Variants in ROR1 observed in about 807,000 individuals in gnomAD.
ROR1 encodes the protein ROR family WNT receptor 1, also known as inactive tyrosine-protein kinase transmembrane receptor ROR1.
In ROR1, 19 loss-of-function variants were observed where a neutral mutation model predicts 78.8. That is an observed-to-expected ratio of 0.24 (90% CI 0.17 to 0.35). ROR1 has a LOEUF of 0.35. Among genes scored for constraint, ROR1 ranks in the 10% least tolerant of loss-of-function variants. The probability of loss-of-function intolerance (pLI) is 1.00; values close to 1 mark genes in which losing one functional copy is unlikely to be tolerated. For synonymous variants in ROR1, 386 were observed against 433.6 expected (o/e 0.89, Z 1.36); for missense variants, 917 against 1,177.8 (o/e 0.78, Z 3.24).
intron 1 of ROR1, among the ~76,000 whole-genome samples, chr1:63,926,395 C>T (rs945476581): frequency 6.6e-6 from 1 of 152,128 alleles, no homozygotes; most frequent in African/African-American, 2.4e-5. Flanking sequence ...GGTACCAGTA[C>T]CATGCTGTTA....
chr1:64,157,388 C>T (rs1649804794), intron 7 of ROR1, among the ~76,000 whole-genome samples: 1 of 152,118 alleles, frequency 6.6e-6, no homozygotes, highest in East Asian at 1.9e-4. Flanking sequence ...ACCTGCCTGC[C>T]TCAGCCTCCC....
chr1:64,017,498 A>C (rs879413473), intron 2 of ROR1, among the ~76,000 whole-genome samples: 2 of 152,178 alleles, frequency 1.3e-5, no homozygotes, highest in Non-Finnish European at 2.9e-5. Flanking sequence ...TTTATGGTCC[A>C]TCTTGATTCT....
intron 2 of ROR1, among the ~76,000 whole-genome samples, chr1:64,037,692 C>T (rs951311015): frequency 6.6e-6 from 1 of 152,160 alleles, no homozygotes; most frequent in African/African-American, 2.4e-5. Flanking sequence ...GTTAAACACG[C>T]TACCATGTGC....
At chr1:63,833,561 T>A (rs1355430667) in intron 1 of ROR1, among the ~76,000 whole-genome samples, 1 of 152,130 alleles carries the variant, frequency 6.6e-6, no homozygotes, top group Non-Finnish European at 1.5e-5. Flanking sequence ...GAATAGTCCC[T>A]GGGGGTGATG....
At chr1:63,825,933 A>G (rs1644950485) in intron 1 of ROR1, among the ~76,000 whole-genome samples, 1 of 152,134 alleles carries the variant, frequency 6.6e-6, no homozygotes, top group Non-Finnish European at 1.5e-5. Flanking sequence ...AGCTGGGTGG[A>G]CCTCAGTTCC....
At chr1:63,993,976 A>G (rs1008001593) in intron 1 of ROR1, among the ~76,000 whole-genome samples, 1 of 152,204 alleles carries the variant, frequency 6.6e-6, no homozygotes, top group African/African-American at 2.4e-5. Context: ...TGCTTTTGAT[A>G]TAAGGGTTCC....
At chr1:63,819,104 G>T (rs572773473) in intron 1 of ROR1, among the ~76,000 whole-genome samples, 41 of 152,290 alleles carry the variant, frequency 2.7e-4, no homozygotes, top group South Asian at 2.5e-3. Flanking sequence ...TTTCCAGGGG[G>T]TGGGGAGATG....
chr1:63,928,734 T>G (rs1352256442), intron 1 of ROR1, among the ~76,000 whole-genome samples: 1 of 152,166 alleles, frequency 6.6e-6, no homozygotes, highest in African/African-American at 2.4e-5. Context: ...AATAAGGATG[T>G]TAATGGCATC....
chr1:63,870,742 G>A (rs1333034370), intron 1 of ROR1, among the ~76,000 whole-genome samples: 2 of 152,168 alleles, frequency 1.3e-5, no homozygotes, highest in Non-Finnish European at 2.9e-5. Flanking sequence ...ACTGAGGATG[G>A]AAATGTTGAG....
chr1:64,136,696 G>A (rs968938093), intron 4 of ROR1, among the ~76,000 whole-genome samples: 3 of 151,996 alleles, frequency 2.0e-5, no homozygotes, highest in East Asian at 3.9e-4. Context: ...TTTTGAGGCC[G>A]CAAAATTTTA....
At chr1:63,882,709 T>A (rs1046952183) in intron 1 of ROR1, among the ~76,000 whole-genome samples, 11 of 152,178 alleles carry the variant, frequency 7.2e-5, no homozygotes, top group African/African-American at 2.7e-4. Context: ...ATGTGACATG[T>A]CCACACTGAG....
intron 1 of ROR1, among the ~76,000 whole-genome samples, chr1:63,977,432 A>G (rs1292819366): frequency 6.6e-6 from 1 of 151,798 alleles, no homozygotes; most frequent in Non-Finnish European, 1.5e-5. Context: ...AGCATTTTGG[A>G]TTTTGGATTT....
intron 1 of ROR1, among the ~76,000 whole-genome samples, chr1:63,862,641 A>G (rs1645189314): frequency 6.6e-6 from 1 of 152,032 alleles, no homozygotes; most frequent in Non-Finnish European, 1.5e-5. Flanking sequence ...TTCACCTTCA[A>G]GCCACATACT....
chr1:63,927,852 G>A (rs921077392), intron 1 of ROR1, among the ~76,000 whole-genome samples: 1 of 152,116 alleles, frequency 6.6e-6, no homozygotes, highest in Non-Finnish European at 1.5e-5. Flanking sequence ...TGGATTTTTA[G>A]GAGTTAAAAT....
chr1:63,934,737 T>C (rs895330164), intron 1 of ROR1, among the ~76,000 whole-genome samples: 6 of 152,266 alleles, frequency 3.9e-5, no homozygotes, highest in African/African-American at 1.2e-4. Context: ...TTTTGAGATA[T>C]CAGGGTCTTG....
Position 63,774,380 on chromosome 1 carries a change from T to C in ROR1, c.-38T>C. ...GCCCGTGGATGTTCTGCGCGCGGCC[T>C]GGGAGCCGCCGCCGCCGCCGCCTCA... On this transcript the variant is annotated 5_prime_UTR_variant, in exon 1 of 9. Coordinates refer to ENST00000371079, the MANE Select transcript of ROR1 (RefSeq NM_005012.4). The surrounding 1 kb of genome is among the most constrained non-coding windows in gnomAD (Gnocchi z 5.7). 3 of 1,225,830 alleles carry C rather than the reference T, an allele frequency of 2.4e-6. No individual in the cohort carries two copies. Among genetic ancestry groups the C allele is most frequent in the East Asian group, 4.4e-5 (1 of 22,786 alleles). The allele number at this position is 1,225,830 out of a possible 1,614,324, so 75.9% of individuals were successfully genotyped here. A position where few individuals can be genotyped will look rare whatever the true frequency, so the allele number is the denominator to read the frequency against.
At chr1:63,833,746 T>G (rs1249250098) in intron 1 of ROR1, among the ~76,000 whole-genome samples, 7 of 152,210 alleles carry the variant, frequency 4.6e-5, no homozygotes, top group African/African-American at 1.7e-4. Context: ...CAACCCAAAC[T>G]TTTCCAGCAG....
intron 1 of ROR1, among the ~76,000 whole-genome samples, chr1:63,858,853 C>G (rs925758173): frequency 1.3e-5 from 2 of 152,070 alleles, no homozygotes; most frequent in Admixed American, 1.3e-4. Context: ...TACTACTCGG[C>G]ACATAAAGAA....
At position 63,774,501 on chromosome 1, in the gene ROR1, T is replaced by C. The variant is rs1201310071; in HGVS notation, c.84T>C (p.Ala28=). The change falls in exon 1 of 9, where the codon GCT becomes GCC. Residue 28 remains alanine, a synonymous_variant. Transcript: ENST00000371079. The surrounding 1 kb of genome is among the most constrained non-coding windows in gnomAD (Gnocchi z 5.7). The stretch of plus-strand genomic sequence containing the variant: ...TGCTGCTGGCCGCACGCGGGGCTGC[T>C]GCCCAAGGTAAGAGGCGCCCGCCGG... ...AALLLAARGA[A]AQETELSVSA... 3.5e-6 allele frequency: 4 copies of C among 1,138,364 alleles called. No individual in the cohort carries two copies. 70.5% of individuals were successfully genotyped at this position (1,138,364 alleles called of 1,614,324 possible).
Sources: gnomAD v4.1 joint callset for allele counts (sites outside exome capture counted in the v4.1 genomes callset) on GRCh38, gnomAD v4.1.1 for gene constraint, Gnocchi (gnomAD v3.1) non-coding constraint, MANE v1.5 for transcripts, NCBI Gene and HGNC (gene_info 2026-07-23, HGNC 2026-07-21) for gene names.